NIN: variants seen among roughly 807,000 people sequenced by gnomAD.
The protein encoded by NIN is glycogen synthase kinase 3 beta-interacting protein.
In NIN, 137 loss-of-function variants were observed where a neutral mutation model predicts 257.6. That is an observed-to-expected ratio of 0.53 (90% CI 0.46 to 0.61). NIN has a LOEUF of 0.61. Ranked by LOEUF, NIN falls within the 20% of genes least tolerant of loss-of-function variation. NIN has a pLI of 0.00. For synonymous variants in NIN, 918 were observed against 919.8 expected, an observed-to-expected ratio of 1.00 and a Z score of 0.04; for missense variants, 2,439 against 2,501.2, an observed-to-expected ratio of 0.98 and a Z score of 0.53.
intron 3 of NIN, among the ~76,000 whole-genome samples, chr14:50,814,327 C>A (rs940247007): frequency 1.3e-5 from 2 of 152,118 alleles, no homozygotes; most frequent in Non-Finnish European, 2.9e-5. Context: ...TAAATCATTA[C>A]TAGGAAGTCA....
In NIN at chr14:50,722,198, T is replaced by TTTTGATCTTGA. The variant is rs1041125195; in HGVS notation, c.*1264_*1265insTCAAGATCAAA. The stretch of plus-strand genomic sequence containing the variant: ...GTTACCGAATCTAAAATGTTGACTG[T>TTTTGATCTTGA]TCTATAAAGTTTTGATCTTGAGCAT... On this transcript the variant is annotated 3_prime_UTR_variant, in exon 31 of 31. Transcript: ENST00000530997. The TTTTGATCTTGA allele has an allele frequency of 1.3e-5, 3 of 226,798 alleles. No homozygotes were observed. Among genetic ancestry groups the TTTTGATCTTGA allele is most frequent in the Non-Finnish European group, 1.8e-5 (2 of 113,964 alleles). The allele number at this position is 226,798 out of a possible 1,614,324, so 14.0% of individuals were successfully genotyped here.
At chr14:50,724,222 T>A (rs2040331411) in intron 30 of NIN, 1 of 204,062 alleles carries the variant, frequency 4.9e-6, no homozygotes, top group African/African-American at 2.3e-5. Context: ...ATAGTTAGAA[T>A]ATATGGTCTA....
chr14:50,752,425 TA>T, intron 21 of NIN, 92 bp downstream of exon 21: 1 of 942,118 alleles, frequency 1.1e-6, no homozygotes, highest in East Asian at 2.4e-5. Context: ...TTTTAATTAC[TA>T]AGGCTTTATG....
At position 50,763,968 on chromosome 14, in the gene NIN, G is replaced by T; in HGVS notation, c.1636-4C>A. ...CATCTACTTGGTCTTGTAGTACCTG[G>T]GATTTAAAAACCAACACTGGTCTTA... On this transcript the variant is annotated splice_region_variant and splice_polypyrimidine_tract_variant and intron_variant, in intron 14 of 30. Transcript: ENST00000530997. The T allele has an allele frequency of 6.2e-7, 1 of 1,611,060 alleles. No individual in the cohort carries two copies. The highest frequency in any genetic ancestry group is 8.5e-7 in the Non-Finnish European group (1 of 1,177,818).
chr14:50,737,495 CAA>C (rs58386910), intron 27 of NIN, among the ~76,000 whole-genome samples: 762 of 54,304 alleles, frequency 0.014, 1 homozygote, highest in African/African-American at 0.032. Context: ...TGTTACATAG[CAA>C]AAAAAAAAAA....
At chr14:50,824,717 A>C (rs924586672) in intron 2 of NIN, among the ~76,000 whole-genome samples, 22 of 152,168 alleles carry the variant, frequency 1.4e-4, no homozygotes, top group Admixed American at 1.1e-3. Flanking sequence ...TCATGGATTG[A>C]CTTCCTGTAT....
chr14:50,764,003 C>A, intron 14 of NIN, 39 bp from the exon 15 acceptor site: 1 of 1,559,546 alleles, frequency 6.4e-7, no homozygotes, highest in South Asian at 1.1e-5. Flanking sequence ...AGATGTGACA[C>A]CAAAAGCATA....
At chr14:50,775,859 A>G (rs995297511) in intron 7 of NIN, among the ~76,000 whole-genome samples, 9 of 152,210 alleles carry the variant, frequency 5.9e-5, no homozygotes, top group African/African-American at 2.2e-4. Context: ...ATAGTCACCA[A>G]TGAAAAATAA....
At chr14:50,741,040 C>A (rs2041258783) in intron 25 of NIN, among the ~76,000 whole-genome samples, 2 of 152,178 alleles carry the variant, frequency 1.3e-5, no homozygotes, top group East Asian at 1.9e-4. Context: ...CTATTTGTAG[C>A]AATGAATTAT....
At chr14:50,784,826 GAT>G (rs534598740) in intron 5 of NIN, among the ~76,000 whole-genome samples, 8 of 152,326 alleles carry the variant, frequency 5.3e-5, no homozygotes, top group Admixed American at 3.9e-4. Flanking sequence ...TTCAACTTAG[GAT>G]CAGGGCTTCC....
At chr14:50,806,305 T>A (rs942388351) in intron 4 of NIN, 1 of 152,950 alleles carries the variant, frequency 6.5e-6, no homozygotes, top group Admixed American at 6.5e-5. Flanking sequence ...ATAATTATAA[T>A]GTAATGTGAT....
In NIN at chr14:50,831,030, G is replaced by A. The variant is rs2045682941; in HGVS notation, c.-100C>T. ...CTGCGTCCCGGGGCTCAGGCGCCCG[G>A]CGCCGCCGCGGGAACCATGGCCGCT... On this transcript the variant is annotated 5_prime_UTR_variant, in exon 1 of 31. Coordinates refer to ENST00000530997, the MANE Select transcript of NIN (RefSeq NM_020921.4). 1 of 150,840 alleles carries A rather than the reference G, an allele frequency of 6.6e-6. No individual in the cohort carries two copies. Among genetic ancestry groups the A allele is most frequent in the South Asian group, 2.1e-4 (1 of 4,838 alleles). The allele number at this position is 150,840 out of a possible 1,614,324, so 9.3% of individuals were successfully genotyped here.
chr14:50,775,407 A>T (rs763807637), intron 7 of NIN, among the ~76,000 whole-genome samples: 5 of 152,140 alleles, frequency 3.3e-5, no homozygotes, highest in Non-Finnish European at 5.9e-5. Context: ...AACAGCCACG[A>T]TTTCACTCTC....
chr14:50,787,602 G>A (rs1014097123), intron 5 of NIN, among the ~76,000 whole-genome samples: 1 of 152,146 alleles, frequency 6.6e-6, no homozygotes, highest in Non-Finnish European at 1.5e-5. Context: ...TGACTTGAGC[G>A]AAAATGATCC....
At position 50,738,250 on chromosome 14, in the gene NIN, G is replaced by C; in HGVS notation, c.5665C>G (p.Gln1889Glu). ...QLESNLLPKH[Q>E]KHLNPSGTMN... The stretch of plus-strand genomic sequence containing the variant: ...GTACCTGATGGGTTTAGATGTTTTT[G>C]GTGCTTGGGAAGAAGATTGGATTCC... Residue 1889 changes from glutamine (Q) to glutamate (E), a missense_variant, in exon 27 of 31, where the codon CAA becomes GAA. Gln to Glu is a conservative substitution (Grantham distance 29, BLOSUM62 2). Around this residue, in one of 3 missense-constraint regions of NIN, gnomAD observed 2,043 missense variants for 2,050.2 expected, o/e 1.00. Transcript: ENST00000530997. The C allele has an allele frequency of 6.2e-7, 1 of 1,613,838 alleles. No homozygotes were observed. The highest frequency in any genetic ancestry group is 8.5e-7 in the Non-Finnish European group (1 of 1,179,884).
intron 4 of NIN, among the ~76,000 whole-genome samples, chr14:50,799,720 G>A (rs775743124): frequency 3.9e-5 from 6 of 152,120 alleles, no homozygotes; most frequent in Non-Finnish European, 7.4e-5. Context: ...CATGGCTCAC[G>A]CCTGTAATCC....
chr14:50,770,824 A>G (rs2141800684), intron 11 of NIN, 28 bp downstream of exon 11: 2 of 1,602,476 alleles, frequency 1.2e-6, no homozygotes, highest in Non-Finnish European at 1.7e-6. Flanking sequence ...GTGGTGGGTG[A>G]GGAGGAGCCT....
chr14:50,799,134 C>T (rs1255305909), intron 4 of NIN, among the ~76,000 whole-genome samples: 1 of 152,234 alleles, frequency 6.6e-6, no homozygotes, highest in African/African-American at 2.4e-5. Flanking sequence ...TAGACTATAA[C>T]ACTTTCCATG....
rs1193714451 is a variant in NIN, at chr14:50,722,139, G to A, written c.*1324C>T. ...TCTTCCACCAACTGCTGGCGGAAGTGGCTAGCAGAGATTATAATTGGAAGA... is the reference window on the plus strand; with the variant it reads ...TCTTCCACCAACTGCTGGCGGAAGTAGCTAGCAGAGATTATAATTGGAAGA... On this transcript the variant is annotated 3_prime_UTR_variant, in exon 31 of 31. Transcript: ENST00000530997. 1 of 169,194 alleles carries A rather than the reference G, an allele frequency of 5.9e-6. No individual in the cohort carries two copies. The highest frequency in any genetic ancestry group is 4.4e-5 in the African/African-American group (1 of 22,830). The allele number at this position is 169,194 out of a possible 1,614,324, so 10.5% of individuals were successfully genotyped here. A position where few individuals can be genotyped will look rare whatever the true frequency, so the allele number is the denominator to read the frequency against.
Sources: allele counts gnomAD v4.1 joint callset (sites outside exome capture counted in the v4.1 genomes callset), GRCh38; gene constraint gnomAD v4.1.1; regional missense constraint gnomAD v4.1.1; transcripts MANE v1.5; gene names NCBI Gene and HGNC (gene_info 2026-07-23, HGNC 2026-07-21).